The following CACNA1C variants were observed in gnomAD, a reference collection of about 807,000 sequenced individuals.
CACNA1C encodes the protein calcium voltage-gated channel subunit alpha1 C, also known as voltage-dependent L-type calcium channel subunit alpha-1C.
CACNA1C carries 30 observed loss-of-function variants against 229.0 expected under a neutral mutation model. That is an observed-to-expected ratio of 0.13 (90% confidence interval 0.10 to 0.18). The LOEUF (loss-of-function observed/expected upper bound fraction) is 0.18. Ranked by LOEUF, CACNA1C falls within the 10% of genes least tolerant of loss-of-function variation. The pLI is 1.00. For missense variants in CACNA1C, 1,658 were observed against 2,845.0 expected (o/e 0.58, Z 9.49); for synonymous variants, 1,114 against 1,132.5 (o/e 0.98, Z 0.33).
At chr12:2,474,756 CAAA>C (rs34963749) in intron 5 of CACNA1C, among the ~76,000 whole-genome samples, 8 of 99,856 alleles carry the variant, frequency 8.0e-5, no homozygotes, top group Non-Finnish European at 7.9e-5. Context: ...AACTCCATCT[CAAA>C]AAAAAAAAAA....
intron 6 of CACNA1C, among the ~76,000 whole-genome samples, chr12:2,491,424 A>AGAG (rs1328806108): frequency 3.9e-5 from 6 of 151,952 alleles, no homozygotes; most frequent in Admixed American, 3.9e-4. Context: ...GAAAGAGAGG[A>AGAG]GAGGAGAAGA....
At chr12:2,652,938 G>C (rs532566933) in intron 32 of CACNA1C, among the ~76,000 whole-genome samples, 34 of 152,344 alleles carry the variant, frequency 2.2e-4, no homozygotes, top group African/African-American at 7.5e-4. Context: ...CAGACCGGGT[G>C]ACTGCGAGGG....
chr12:2,355,039 A>G (rs530470697), intron 3 of CACNA1C, among the ~76,000 whole-genome samples: 2 of 152,144 alleles, frequency 1.3e-5, no homozygotes, highest in Non-Finnish European at 2.9e-5. Context: ...AACATTGTGT[A>G]AGGTTGGATA....
chr12:2,228,435 C>T (rs549260867), intron 3 of CACNA1C, among the ~76,000 whole-genome samples: 1 of 152,346 alleles, frequency 6.6e-6, no homozygotes, highest in East Asian at 1.9e-4. Context: ...ATCTGAATCT[C>T]TCTGTCCTTC....
At position 2,019,580 on chromosome 12, in the gene CACNA1C, AG is replaced by A. The variant is rs1187888934; in HGVS notation, c.139+48380del. On this transcript the variant is annotated intron_variant, in intron 1 of 46. Coordinates refer to the CACNA1C transcript ENST00000682462. The stretch of plus-strand genomic sequence containing the variant: ...AAGGAAGGAAGGAAAGAAAAGAAAG[AG>A]AGAGAGAAAGAAAGAGAAGGAAAGA... Among the ~76,000 whole-genome samples, 358 of 85,658 alleles carry A rather than the reference AG, an allele frequency of 4.2e-3. 1 individual carries two copies. The highest frequency in any genetic ancestry group is 0.02 in the African/African-American group (328 of 16,236). 56.2% of individuals were successfully genotyped at this position (85,658 alleles called of 152,430 possible). A position where few individuals can be genotyped will look rare whatever the true frequency, so the allele number is the denominator to read the frequency against.
rs2099766232 is a variant in CACNA1C, at chr12:2,504,025, C to CA, written c.1114-817_1114-816insA. Among the ~76,000 whole-genome samples the CA allele has an allele frequency of 6.6e-6, 1 of 152,210 alleles. No individual in the cohort carries two copies. The highest frequency in any genetic ancestry group is 1.5e-5 in the Non-Finnish European group (1 of 68,034). On this transcript the variant is annotated intron_variant, in intron 7 of 46. Coordinates refer to ENST00000399655, the MANE Select transcript of CACNA1C (RefSeq NM_000719.7). This position sits in a 1 kb window ranked among gnomAD's most constrained non-coding sequence, Gnocchi z 6.8. The stretch of plus-strand genomic sequence containing the variant: ...CTCCAGGCCTGTCAGCAGGAGCTGA[C>CA]GCACTTCATACACCAAGGTCAGGGG...
In CACNA1C at chr12:2,602,649, TGTGTG is replaced by T. The variant is rs2073245738; in HGVS notation, c.2960+690_2960+694del. 6.6e-6 allele frequency among the ~76,000 whole-genome samples: 1 copy of T among 151,436 alleles called. No homozygotes were observed. Among genetic ancestry groups the T allele is most frequent in the South Asian group, 2.1e-4 (1 of 4,790 alleles). ...TGTGTCTTGTGTGTGTGTGTGTGTG[TGTGTG>T]TGTGTGTGTGTGTGTGAGTTTTTCA... is the stretch of plus-strand genomic sequence containing the variant. On this transcript the variant is annotated intron_variant, in intron 22 of 46. Coordinates refer to ENST00000399655, the MANE Select transcript of CACNA1C (RefSeq NM_000719.7). The surrounding 1 kb of genome is among the most constrained non-coding windows in gnomAD (Gnocchi z 4.4).
At chr12:2,508,433 C>G (rs754988947) in intron 8 of CACNA1C, among the ~76,000 whole-genome samples, 15 of 152,168 alleles carry the variant, frequency 9.9e-5, no homozygotes, top group Non-Finnish European at 1.8e-4. Flanking sequence ...GAGAATCATG[C>G]GAAGCTAGGA....
rs566508787 is a variant in CACNA1C at position 1,987,946 on chromosome 12, T to C, written c.139+16745T>C. ...AACTCTTAAAAAGTAGCTGTAAATG[T>C]CCCAATAGATTCAAACTATCAGTTG... is the stretch of plus-strand genomic sequence containing the variant. On this transcript the variant is annotated intron_variant, in intron 1 of 46. Transcript: ENST00000682462. Among the ~76,000 whole-genome samples, 8 of 152,354 alleles carry C rather than the reference T, an allele frequency of 5.3e-5. No homozygotes were observed. In the South Asian group the frequency reaches 1.7e-3, roughly 32 times the overall value.
rs572235417 is a variant in CACNA1C at position 2,410,052 on chromosome 12, C to T, written c.478-38924C>T. Among the ~76,000 whole-genome samples the T allele has an allele frequency of 2.6e-5, 4 of 152,328 alleles. No homozygotes were observed. The highest frequency in any genetic ancestry group is 2.6e-4 in the Admixed American group (4 of 15,306). ...TCGCTCGGGGTGGGAATGAATCATC[C>T]TCACCTGCCAGCCGCGGGCCTCAGC... On this transcript the variant is annotated intron_variant, in intron 3 of 46. Coordinates refer to ENST00000399655, the MANE Select transcript of CACNA1C (RefSeq NM_000719.7). The surrounding 1 kb of genome is among the most constrained non-coding windows in gnomAD (Gnocchi z 5.3).
At chr12:2,248,260 G>A (rs2074176387) in intron 3 of CACNA1C, among the ~76,000 whole-genome samples, 1 of 152,216 alleles carries the variant, frequency 6.6e-6, no homozygotes, top group Non-Finnish European at 1.5e-5. Flanking sequence ...AGTGAGCAGT[G>A]TCTCTTTCAT....
chr12:2,492,716 CT>C (rs2099738588), intron 6 of CACNA1C, among the ~76,000 whole-genome samples: 2 of 152,346 alleles, frequency 1.3e-5, no homozygotes, highest in Non-Finnish European at 2.9e-5. Context: ...GTGAAGGAGT[CT>C]TTGCATTGGT....
intron 1 of CACNA1C, among the ~76,000 whole-genome samples, chr12:2,088,521 G>A (rs1477954437): frequency 6.6e-6 from 1 of 152,202 alleles, no homozygotes; most frequent in African/African-American, 2.4e-5. Flanking sequence ...CCTACCTTAT[G>A]GGGGTGCTGA....
Position 2,053,024 on chromosome 12 carries a change from C to T in CACNA1C, c.-539C>T. Reference sequence around the variant, plus strand: ...CTGCCTCTGCAGAAACAGCTCCTGCCAGAGCGGCGCTCGGCGCGGCGCGGC... The same window carrying T: ...CTGCCTCTGCAGAAACAGCTCCTGCTAGAGCGGCGCTCGGCGCGGCGCGGC... On this transcript the variant is annotated 5_prime_UTR_variant, in exon 1 of 47. Coordinates refer to ENST00000399655, the MANE Select transcript of CACNA1C (RefSeq NM_000719.7). This position sits in a 1 kb window ranked among gnomAD's most constrained non-coding sequence, Gnocchi z 5.8. 1 of 984,314 alleles carries T rather than the reference C, an allele frequency of 1.0e-6. No individual in the cohort carries two copies. The highest frequency in any genetic ancestry group is 1.2e-6 in the Non-Finnish European group (1 of 829,520). The allele number at this position is 984,314 out of a possible 1,614,324, so 61.0% of individuals were successfully genotyped here. A position where few individuals can be genotyped will look rare whatever the true frequency, so the allele number is the denominator to read the frequency against.
intron 3 of CACNA1C, among the ~76,000 whole-genome samples, chr12:2,244,205 T>G (rs1162308741): frequency 1.3e-5 from 2 of 152,260 alleles, no homozygotes; most frequent in Non-Finnish European, 2.9e-5. Context: ...CAAGAGTCTT[T>G]CAGCTACAGC....
intron 3 of CACNA1C, among the ~76,000 whole-genome samples, chr12:2,182,431 CA>C (rs1052575271): frequency 3.0e-4 from 45 of 152,164 alleles, no homozygotes; most frequent in Non-Finnish European, 1.0e-4. Flanking sequence ...CCTCCTAAAC[CA>C]CCTTAAATCG....
Position 2,677,079 on chromosome 12 carries a change from C to A in CACNA1C, c.4829-15C>A. ...GCTCCCCTCTTACCCCCTCTCCCCT[C>A]TCCATACGTCTCAGATGATGAGGTC... On this transcript the variant is annotated splice_polypyrimidine_tract_variant and intron_variant, in intron 39 of 46. Transcript: ENST00000399655. This position sits in a 1 kb window ranked among gnomAD's most constrained non-coding sequence, Gnocchi z 7.4. 6.2e-7 allele frequency: 1 copy of A among 1,611,208 alleles called. No individual in the cohort carries two copies. The highest frequency in any genetic ancestry group is 1.1e-5 in the South Asian group (1 of 90,312).
In CACNA1C at chr12:2,316,687, G is replaced by A. The variant is rs150537152; in HGVS notation, c.478-132289G>A. Among the ~76,000 whole-genome samples the A allele has an allele frequency of 3.4e-3, 513 of 152,318 alleles. 2 individuals carry two copies. Among genetic ancestry groups the A allele is most frequent in the African/African-American group, 0.012 (492 of 41,574 alleles). Reference sequence around the variant, plus strand: ...GAGAAATCCCACCTTTCTTGTTGATGCCCAAACACCATGAACTCATTAGTT... The same window carrying A: ...GAGAAATCCCACCTTTCTTGTTGATACCCAAACACCATGAACTCATTAGTT... On this transcript the variant is annotated intron_variant, in intron 3 of 46. Coordinates refer to ENST00000399655, the MANE Select transcript of CACNA1C (RefSeq NM_000719.7).
intron 3 of CACNA1C, among the ~76,000 whole-genome samples, chr12:2,389,691 C>T (rs1004252439): frequency 1.3e-5 from 2 of 152,128 alleles, no homozygotes; most frequent in Non-Finnish European, 2.9e-5. Context: ...ACACTTGGGG[C>T]CTCCATTTTT....
Sources: gnomAD v4.1 joint callset for allele counts (sites outside exome capture counted in the v4.1 genomes callset) on GRCh38, gnomAD v4.1.1 for gene constraint, Gnocchi (gnomAD v3.1) non-coding constraint, MANE v1.5 for transcripts, NCBI Gene and HGNC (gene_info 2026-07-23, HGNC 2026-07-21) for gene names.